The following RRN3 variants were observed in gnomAD, a reference collection of about 807,000 sequenced individuals.
RRN3 encodes the protein RNA polymerase I transcription factor RRN3, also known as RNA polymerase I-specific transcription initiation factor RRN3.
A neutral mutation model predicts 82.3 loss-of-function variants in RRN3; 38 were observed. The ratio of observed to expected loss-of-function variants is 0.46; its 90% CI spans 0.36 to 0.61. The LOEUF is 0.61. Among genes scored for constraint, RRN3 ranks in the 20% least tolerant of loss-of-function variants. The pLI is 0.00. For missense variants in RRN3, 726 were observed against 793.1 expected (o/e 0.92, Z 1.02); for synonymous variants, 284 against 284.3 (o/e 1.00, Z 0.01).
chr16:15,087,439 C>T (rs1214870861), intron 3 of RRN3, among the ~76,000 whole-genome samples: 3 of 152,192 alleles, frequency 2.0e-5, no homozygotes, highest in Non-Finnish European at 4.4e-5. Context: ...CCGTCTGTCT[C>T]GGTCAAGGCT....
At position 15,094,151 on chromosome 16, in the gene RRN3, C is replaced by G; in HGVS notation, c.83G>C (p.Arg28Thr). ...SSAVKKLGASRTGISNMRALE... is the reference protein window; with the variant it reads ...SSAVKKLGASTTGISNMRALE... ...GAAGCGGCCTGAATCTTACCCAGTC[C>G]TCGACGCGCCCAGCTTCTTAACTGC... The change falls in exon 1 of 18, where the codon AGG becomes ACG. Residue 28 changes from arginine (R) to threonine (T), a missense_variant. Physicochemically the swap from Arg to Thr is moderately conservative, Grantham distance 71. Coordinates refer to ENST00000198767, the MANE Select transcript of RRN3 (RefSeq NM_018427.5). The G allele has an allele frequency of 6.3e-7, 1 of 1,598,220 alleles. No individual in the cohort carries two copies. The highest frequency in any genetic ancestry group is 8.5e-7 in the Non-Finnish European group (1 of 1,172,380).
chr16:15,065,195 GC>G, intron 16 of RRN3, 23 bp downstream of exon 16: 1 of 1,568,896 alleles, frequency 6.4e-7, no homozygotes. Context: ...ACCTCCTCCA[GC>G]GTCAATGTTT....
At chr16:15,064,910 TAATCCC>T (rs1358698445) in intron 16 of RRN3, among the ~76,000 whole-genome samples, 1 of 152,176 alleles carries the variant, frequency 6.6e-6, no homozygotes, top group Non-Finnish European at 1.5e-5. Context: ...CTCACGCCTG[TAATCCC>T]AGCACTTTGG....
Position 15,065,359 on chromosome 16 carries a change from G to C in RRN3, c.1566C>G (p.Leu522=). 1 of 1,613,246 alleles carries C rather than the reference G, an allele frequency of 6.2e-7. No individual in the cohort carries two copies. The highest frequency in any genetic ancestry group is 8.5e-7 in the Non-Finnish European group (1 of 1,179,424). ...TCTCAATGATGGTGTAGCAGAAGAC[G>C]AGCTGGTACTTACTGTGGAACAAAA... The part of the protein sequence containing the change: ...FFAAITNKYQ[L]VFCYTIIERN... The change falls in exon 16 of 18, where the codon CTC becomes CTG. Residue 522 remains leucine, a synonymous_variant. Coordinates refer to ENST00000198767, the MANE Select transcript of RRN3 (RefSeq NM_018427.5).
chr16:15,081,366 A>G (rs1206885352), intron 8 of RRN3, among the ~76,000 whole-genome samples: 1 of 152,146 alleles, frequency 6.6e-6, no homozygotes, highest in East Asian at 1.9e-4. Flanking sequence ...CCATTTCTCC[A>G]TATCCTTGTG....
intron 9 of RRN3, 79 bp from the exon 10 acceptor site, chr16:15,076,729 G>C (rs2045472401): frequency 2.0e-6 from 2 of 979,550 alleles, no homozygotes; most frequent in African/African-American, 3.2e-5. Flanking sequence ...AAATTCATCT[G>C]ATATACGCAT....
intron 16 of RRN3, among the ~76,000 whole-genome samples, chr16:15,063,720 A>AC (rs2044825788): frequency 1.3e-5 from 2 of 150,930 alleles, no homozygotes; most frequent in Non-Finnish European, 3.0e-5. Flanking sequence ...AAAAAAAAAA[A>AC]AAGAAAAAAA....
intron 8 of RRN3, 147 bp from the exon 9 acceptor site, chr16:15,080,243 T>C: frequency 9.0e-7 from 1 of 1,106,442 alleles, no homozygotes; most frequent in Non-Finnish European, 1.2e-6. Flanking sequence ...ACTATACTGT[T>C]TCTACATGTA....
chr16:15,060,266 C>A lies in RRN3; in HGVS notation c.*1478G>T, dbSNP rs930627063. The A allele has an allele frequency of 3.1e-6, 1 of 327,784 alleles. No homozygotes were observed. Among genetic ancestry groups the A allele is most frequent in the East Asian group, 9.6e-5 (1 of 10,470 alleles). 20.3% of individuals were successfully genotyped at this position (327,784 alleles called of 1,614,324 possible). A position where few individuals can be genotyped will look rare whatever the true frequency, so the allele number is the denominator to read the frequency against. On this transcript the variant is annotated 3_prime_UTR_variant, in exon 18 of 18. Coordinates refer to ENST00000198767, the MANE Select transcript of RRN3 (RefSeq NM_018427.5). The stretch of plus-strand genomic sequence containing the variant: ...CTAATATTAAAAAATCAACATTTTG[C>A]CAGCAGTTAAAAAGACAACCTTAAA...
At chr16:15,074,614 G>A in intron 11 of RRN3, 109 bp downstream of exon 11, 1 of 763,332 alleles carries the variant, frequency 1.3e-6, no homozygotes, top group Non-Finnish European at 2.0e-6. Flanking sequence ...ATACTCAATA[G>A]ATATTTTTAC....
intron 8 of RRN3, among the ~76,000 whole-genome samples, chr16:15,082,292 A>G (rs2045740521): frequency 6.6e-6 from 1 of 152,128 alleles, no homozygotes; most frequent in Non-Finnish European, 1.5e-5. Context: ...TGTTTGTCAC[A>G]CACTTCTGCA....
chr16:15,067,782 G>C (rs964950230), intron 15 of RRN3, among the ~76,000 whole-genome samples: 1 of 152,114 alleles, frequency 6.6e-6, no homozygotes, highest in African/African-American at 2.4e-5. Context: ...TTAAGAGACA[G>C]GGTCTCATTC....
chr16:15,092,913 C>T (rs1376531670), intron 1 of RRN3, among the ~76,000 whole-genome samples: 2 of 152,182 alleles, frequency 1.3e-5, no homozygotes, highest in African/African-American at 4.8e-5. Context: ...ACAGCCATAA[C>T]GTCTTTTCTG....
chr16:15,064,550 G>A (rs1597873579), intron 16 of RRN3, among the ~76,000 whole-genome samples: 2 of 152,280 alleles, frequency 1.3e-5, no homozygotes, highest in Middle Eastern at 3.4e-3. Context: ...ACACTTGGCA[G>A]AAAATTATGA....
chr16:15,087,912 C>A (rs529986574), intron 3 of RRN3, among the ~76,000 whole-genome samples: 1 of 151,766 alleles, frequency 6.6e-6, no homozygotes, highest in Admixed American at 6.6e-5. Flanking sequence ...GTTGGGAGTT[C>A]GAGATGAGCC....
At position 15,061,609 on chromosome 16, in the gene RRN3, T is replaced by C; in HGVS notation, c.*135A>G. ...TTCAGATGCTTGATTCAGTCGAACC[T>C]GGAAGTGCCACAGCCGAGGCAGGCA... On this transcript the variant is annotated 3_prime_UTR_variant, in exon 18 of 18. Coordinates refer to ENST00000198767, the MANE Select transcript of RRN3 (RefSeq NM_018427.5). The C allele has an allele frequency of 1.4e-6, 1 of 715,258 alleles. No homozygotes were observed. Among genetic ancestry groups the C allele is most frequent in the Non-Finnish European group, 2.3e-6 (1 of 443,756 alleles). 44.3% of individuals were successfully genotyped at this position (715,258 alleles called of 1,614,324 possible).
intron 8 of RRN3, among the ~76,000 whole-genome samples, chr16:15,082,001 A>T (rs1332726472): frequency 6.6e-6 from 1 of 152,114 alleles, no homozygotes; most frequent in Admixed American, 6.6e-5. Flanking sequence ...ATTATCTCTA[A>T]AATTTCTTGT....
intron 15 of RRN3, 45 bp downstream of exon 15, chr16:15,068,124 A>G: frequency 3.4e-6 from 5 of 1,480,244 alleles, no homozygotes; most frequent in Non-Finnish European, 4.6e-6. Flanking sequence ...AACATAAATA[A>G]AAATATTTTA....
intron 11 of RRN3, among the ~76,000 whole-genome samples, chr16:15,073,880 A>C (rs1310221578): frequency 6.6e-6 from 1 of 152,134 alleles, no homozygotes; most frequent in African/African-American, 2.4e-5. Flanking sequence ...CCTTGGCCTA[A>C]GTGCTGGGAT....
Sources: allele counts gnomAD v4.1 joint callset (sites outside exome capture counted in the v4.1 genomes callset), GRCh38; gene constraint gnomAD v4.1.1; transcripts MANE v1.5; gene names NCBI Gene and HGNC (gene_info 2026-07-23, HGNC 2026-07-21).